COL19A1: variants seen among roughly 807,000 people sequenced by gnomAD.
COL19A1 encodes the protein collagen type XIX alpha 1 chain.
A neutral mutation model predicts 190.2 loss-of-function variants in COL19A1; 159 were observed. That is an observed-to-expected ratio of 0.84 (90% CI 0.73 to 0.95). The LOEUF (loss-of-function observed/expected upper bound fraction) is 0.95. Ranked by LOEUF, COL19A1 falls within the 40% of genes least tolerant of loss-of-function variation. The pLI is 0.00. For synonymous variants in COL19A1, 509 were observed against 458.9 expected, an observed-to-expected ratio of 1.11 and a Z score of -1.39; for missense variants, 1,418 against 1,431.9, an observed-to-expected ratio of 0.99 and a Z score of 0.16.
At chr6:69,963,006 C>T (rs1774891677) in intron 11 of COL19A1, 136 bp downstream of exon 11, 1 of 553,082 alleles carries the variant, frequency 1.8e-6, no homozygotes, top group African/African-American at 1.9e-5. Flanking sequence ...AAAACATTTG[C>T]TTCCATTGAG....
At chr6:69,892,826 G>A (rs532155569) in intron 2 of COL19A1, among the ~76,000 whole-genome samples, 1 of 152,314 alleles carries the variant, frequency 6.6e-6, no homozygotes, top group South Asian at 2.1e-4. Flanking sequence ...TCCTTAAAGG[G>A]AAGCATACCC....
At chr6:69,910,627 T>C (rs1467824820) in intron 4 of COL19A1, among the ~76,000 whole-genome samples, 1 of 152,198 alleles carries the variant, frequency 6.6e-6, no homozygotes, top group African/African-American at 2.4e-5. Flanking sequence ...TGATAATTAC[T>C]TGGGCCAGTC....
At chr6:69,909,066 CCTTCAAAGAATGTATT>C (rs1407527704) in intron 4 of COL19A1, among the ~76,000 whole-genome samples, 3 of 152,136 alleles carry the variant, frequency 2.0e-5, no homozygotes, top group Admixed American at 6.5e-5. Flanking sequence ...ACTATTATTG[CCTTCAAAGAATGTATT>C]CTTAACAATT....
intron 15 of COL19A1, among the ~76,000 whole-genome samples, chr6:70,088,565 A>G (rs1782722510): frequency 6.6e-6 from 1 of 152,174 alleles, no homozygotes; most frequent in Non-Finnish European, 1.5e-5. Flanking sequence ...TGCTGCTCCA[A>G]TCATCCAAAG....
At chr6:70,165,865 A>T in intron 36 of COL19A1, 76 bp from the exon 37 acceptor site, 1 of 1,333,946 alleles carries the variant, frequency 7.5e-7, no homozygotes, top group Non-Finnish European at 1.1e-6. Flanking sequence ...TGGCTCTGTG[A>T]TTAATTTCAG....
intron 46 of COL19A1, 80 bp downstream of exon 46, chr6:70,184,995 T>C (rs955281508): frequency 7.5e-6 from 10 of 1,341,340 alleles, no homozygotes; most frequent in Non-Finnish European, 8.3e-6. Flanking sequence ...CAATTATGTG[T>C]GTAGACCCCT....
chr6:70,205,776 G>A (rs1767812366), intron 49 of COL19A1, among the ~76,000 whole-genome samples: 1 of 152,098 alleles, frequency 6.6e-6, no homozygotes, highest in South Asian at 2.1e-4. Flanking sequence ...CTGTACTCTT[G>A]TAGCTCAGCC....
chr6:70,168,267 A>G, intron 39 of COL19A1, 52 bp downstream of exon 39: 1 of 1,567,502 alleles, frequency 6.4e-7, no homozygotes, highest in African/African-American at 1.4e-5. Flanking sequence ...AACCACAATG[A>G]AAAACAAACA....
intron 27 of COL19A1, among the ~76,000 whole-genome samples, chr6:70,149,467 T>C (rs1786889097): frequency 6.6e-6 from 1 of 152,112 alleles, no homozygotes; most frequent in African/African-American, 2.4e-5. Context: ...ATGGTAATGA[T>C]ATAGATGTCC....
At position 69,896,204 on chromosome 6, in the gene COL19A1, T is replaced by C. The variant is rs117939668; in HGVS notation, c.92-2744T>C. On this transcript the variant is annotated intron_variant, in intron 2 of 50. Coordinates refer to ENST00000620364, the MANE Select transcript of COL19A1 (RefSeq NM_001858.6). ...ACTCCTTTCTCTTGCTTCATTGAAT[T>C]TTCAAGTCATACAGTTCATATATAT... Among the ~76,000 whole-genome samples, 710 of 152,324 alleles carry C rather than the reference T, an allele frequency of 4.7e-3. 5 individuals carry two copies. The highest frequency in any genetic ancestry group is 7.3e-3 in the Non-Finnish European group (500 of 68,032).
intron 11 of COL19A1, among the ~76,000 whole-genome samples, chr6:69,969,455 C>T (rs1047293632): frequency 3.9e-5 from 6 of 151,952 alleles, no homozygotes; most frequent in Admixed American, 2.0e-4. Context: ...TCATACAATT[C>T]GCCTGTGTTA....
chr6:70,130,450 T>C lies in COL19A1; in HGVS notation c.1383+227T>C, dbSNP rs149800727. Among the ~76,000 whole-genome samples the C allele has an allele frequency of 0.019, 2,822 of 152,358 alleles. 86 individuals carry two copies. The highest frequency in any genetic ancestry group is 0.064 in the African/African-American group (2,677 of 41,578). On this transcript the variant is annotated intron_variant, in intron 18 of 50. Coordinates refer to ENST00000620364, the MANE Select transcript of COL19A1 (RefSeq NM_001858.6). ...CATGTTGGCCAGGTTGGTCTTGGAC[T>C]CCTGACCTCAGGTGATCCACCTGCC...
chr6:69,900,270 A>G lies in COL19A1; in HGVS notation c.198A>G (p.Arg66=). 1 of 1,597,700 alleles carries G rather than the reference A, an allele frequency of 6.3e-7. No homozygotes were observed. Among genetic ancestry groups the G allele is most frequent in the South Asian group, 1.1e-5 (1 of 87,634 alleles). The change falls in exon 4 of 51, where the codon AGA becomes AGG. Residue 66 remains arginine (R), a synonymous_variant. Transcript: ENST00000620364. ...GFDLGDSFSL[R]RAFCESDKTC... ...ATCTAGGAGACAGCTTTTCTCTAAG[A>G]CGTGCATTTTGTGAAAGTGATAAAA...
At chr6:70,177,894 C>G (rs969908989) in intron 42 of COL19A1, among the ~76,000 whole-genome samples, 44 of 152,092 alleles carry the variant, frequency 2.9e-4, no homozygotes, top group African/African-American at 1.0e-3. Context: ...TTAAGCTTAT[C>G]TTCTAGGAAA....
At chr6:70,166,139 C>G in intron 37 of COL19A1, 154 bp downstream of exon 37, 1 of 697,008 alleles carries the variant, frequency 1.4e-6, no homozygotes, top group South Asian at 1.7e-5. Flanking sequence ...TTTAAAGAGA[C>G]CTGATTTGTT....
At chr6:69,903,758 A>G (rs906017641) in intron 4 of COL19A1, among the ~76,000 whole-genome samples, 12 of 152,168 alleles carry the variant, frequency 7.9e-5, no homozygotes, top group African/African-American at 2.9e-4. Flanking sequence ...TCACATGCAC[A>G]TCTAGCTTAA....
At chr6:70,113,261 T>C (rs1192670741) in intron 16 of COL19A1, among the ~76,000 whole-genome samples, 1 of 152,224 alleles carries the variant, frequency 6.6e-6, no homozygotes, top group African/African-American at 2.4e-5. Flanking sequence ...TTATCTTTTG[T>C]AGGGGAAATT....
Position 70,072,761 on chromosome 6 carries a change from C to T in COL19A1, c.1224+4285C>T, listed in dbSNP as rs114655351. Among the ~76,000 whole-genome samples, 927 of 152,138 alleles carry T rather than the reference C, an allele frequency of 6.1e-3. 9 individuals carry two copies. Among genetic ancestry groups the T allele is most frequent in the African/African-American group, 0.021 (876 of 41,514 alleles). On this transcript the variant is annotated intron_variant, in intron 15 of 50. Transcript: ENST00000620364. ...AGAACATCAACCTACCTACCCCTGC[C>T]CCCGTCAAGATGTGTTTCTTTGCAC...
chr6:69,883,631 A>G (rs997203237), intron 2 of COL19A1, among the ~76,000 whole-genome samples: 1 of 152,246 alleles, frequency 6.6e-6, no homozygotes. Flanking sequence ...TAAGTAATAC[A>G]AGAACCCTCA....
Sources: gnomAD v4.1 joint callset for allele counts (sites outside exome capture counted in the v4.1 genomes callset) on GRCh38, gnomAD v4.1.1 for gene constraint, MANE v1.5 for transcripts, NCBI Gene and HGNC (gene_info 2026-07-23, HGNC 2026-07-21) for gene names.